APOLD1: variants seen among roughly 807,000 people sequenced by gnomAD.
APOLD1 encodes the protein apolipoprotein L domain-containing protein 1.
A neutral mutation model predicts 15.3 loss-of-function variants in APOLD1; 22 were observed. That is an observed-to-expected ratio of 1.44 (90% confidence interval 1.03 to 2.05). The LOEUF (loss-of-function observed/expected upper bound fraction) is 2.05. APOLD1 is among the 30% of genes most tolerant of loss of function. The pLI is 0.00. For synonymous variants in APOLD1, 190 were observed against 167.4 expected (o/e 1.13, Z -1.04); for missense variants, 394 against 353.5 (o/e 1.11, Z -0.92).
At chr12:12,729,241 AAAAT>A (rs1946618100) in intron 1 of APOLD1, among the ~76,000 whole-genome samples, 1 of 152,078 alleles carries the variant, frequency 6.6e-6, no homozygotes, top group Non-Finnish European at 1.5e-5. Flanking sequence ...ATTAAAAAAA[AAAAT>A]AAAGTGGGAT....
At chr12:12,769,605 GA>G (rs1946970174) in intron 1 of APOLD1, among the ~76,000 whole-genome samples, 1 of 152,184 alleles carries the variant, frequency 6.6e-6, no homozygotes. Context: ...AAGGGGAGAG[GA>G]AAAGGAACCA....
At chr12:12,730,067 TGTGTGTGTGTGAGAGAGA>T (rs1210218032) in intron 1 of APOLD1, among the ~76,000 whole-genome samples, 13 of 65,924 alleles carry the variant, frequency 2.0e-4, no homozygotes, top group African/African-American at 1.2e-3. Context: ...TGTGTGTGTG[TGTGTGTGTGTGAGAGAGA>T]GAGAGAGAGA....
At chr12:12,763,946 C>A (rs2136387748) in intron 1 of APOLD1, among the ~76,000 whole-genome samples, 2 of 151,924 alleles carry the variant, frequency 1.3e-5, no homozygotes, top group Admixed American at 1.3e-4. Flanking sequence ...CTATATATAG[C>A]ACATTATTTT....
intron 1 of APOLD1, among the ~76,000 whole-genome samples, chr12:12,767,602 A>G (rs1946951615): frequency 1.3e-5 from 2 of 152,066 alleles, no homozygotes; most frequent in South Asian, 4.2e-4. Context: ...CGGAGGTTGC[A>G]GTGAGATCGT....
At chr12:12,759,371 C>T (rs1946880951) in intron 1 of APOLD1, among the ~76,000 whole-genome samples, 1 of 151,812 alleles carries the variant, frequency 6.6e-6, no homozygotes, top group South Asian at 2.1e-4. Flanking sequence ...AAAATTGCCT[C>T]TTGTGTCCCC....
chr12:12,755,151 C>G (rs759494982), intron 1 of APOLD1, among the ~76,000 whole-genome samples: 2 of 152,146 alleles, frequency 1.3e-5, no homozygotes, highest in Admixed American at 6.6e-5. Context: ...AACAGACTCA[C>G]TCATATATGA....
At chr12:12,785,110 G>C (rs1947114080), upstream of APOLD1, among the ~76,000 whole-genome samples, 1 of 152,196 alleles carries the variant, frequency 6.6e-6, no homozygotes, top group Non-Finnish European at 1.5e-5. Flanking sequence ...AGCACTTCCT[G>C]TGGGTGTGGC....
At chr12:12,734,761 T>TA (rs1270745170) in intron 1 of APOLD1, among the ~76,000 whole-genome samples, 1 of 152,252 alleles carries the variant, frequency 6.6e-6, no homozygotes, top group African/African-American at 2.4e-5. Flanking sequence ...CGTGAATGTG[T>TA]AACCTAATGG....
At chr12:12,729,002 A>G (rs943661821) in intron 1 of APOLD1, among the ~76,000 whole-genome samples, 1 of 152,164 alleles carries the variant, frequency 6.6e-6, no homozygotes, top group African/African-American at 2.4e-5. Context: ...ATAGGTTCTG[A>G]TCATCCTGTT....
Position 12,788,453 on chromosome 12 carries a change from G to C in APOLD1, c.*801G>C, listed in dbSNP as rs1256589576. The C allele has an allele frequency of 6.6e-6, 1 of 152,260 alleles. No homozygotes were observed. The highest frequency in any genetic ancestry group is 2.4e-5 in the African/African-American group (1 of 41,464). 9.4% of individuals were successfully genotyped at this position (152,260 alleles called of 1,614,324 possible). On this transcript the variant is annotated 3_prime_UTR_variant, in exon 2 of 2. Transcript: ENST00000356591. ...GTTAGACAGTCCTGGGCTTGAGACA[G>C]GCTTTGTCACTACTGTGTGAGTGTA... is the stretch of plus-strand genomic sequence containing the variant.
intron 1 of APOLD1, among the ~76,000 whole-genome samples, chr12:12,777,702 G>A (rs532232607): frequency 1.9e-5 from 2 of 106,324 alleles, no homozygotes; most frequent in South Asian, 3.2e-4. Flanking sequence ...CCAGTGTGAC[G>A]CTCAAAGGAA....
At chr12:12,739,838 A>G (rs1946718491) in intron 1 of APOLD1, among the ~76,000 whole-genome samples, 1 of 140,372 alleles carries the variant, frequency 7.1e-6, no homozygotes, top group African/African-American at 2.7e-5. Context: ...TTTTTTTGAG[A>G]CAGAGTCTCA....
At chr12:12,742,764 A>G (rs1946737841) in intron 1 of APOLD1, among the ~76,000 whole-genome samples, 1 of 418 alleles carries the variant, frequency 2.4e-3, no homozygotes, top group Non-Finnish European at 0.01. Flanking sequence ...ACTCCATCTA[A>G]AAAAAAAAAA....
intron 1 of APOLD1, among the ~76,000 whole-genome samples, chr12:12,740,095 C>A (rs1185745201): frequency 1.3e-5 from 2 of 152,022 alleles, no homozygotes; most frequent in Admixed American, 1.3e-4. Context: ...GATTCTCCTG[C>A]ATCAGCCTCC....
intron 1 of APOLD1, among the ~76,000 whole-genome samples, chr12:12,748,772 A>G (rs886402341): frequency 6.6e-6 from 1 of 152,204 alleles, no homozygotes; most frequent in African/African-American, 2.4e-5. Context: ...GTTCACTTCC[A>G]TTGCAGCACT....
At chr12:12,760,302 G>A (rs558533941) in intron 1 of APOLD1, among the ~76,000 whole-genome samples, 5 of 151,942 alleles carry the variant, frequency 3.3e-5, no homozygotes, top group South Asian at 4.2e-4. Context: ...CTCCAGCCTG[G>A]GTGACACAGT....
chr12:12,781,889 C>T (rs968615323), upstream of APOLD1, among the ~76,000 whole-genome samples: 1 of 151,914 alleles, frequency 6.6e-6, no homozygotes, highest in Non-Finnish European at 1.5e-5. Flanking sequence ...TTGTTGATAA[C>T]TGTATAAACA....
At chr12:12,738,089 G>A (rs1264228672) in intron 1 of APOLD1, among the ~76,000 whole-genome samples, 1 of 151,800 alleles carries the variant, frequency 6.6e-6, no homozygotes, top group Non-Finnish European at 1.5e-5. Context: ...CCTGCATAAA[G>A]TAGTAGCTAT....
At chr12:12,773,104 A>T (rs1230472402) in intron 1 of APOLD1, among the ~76,000 whole-genome samples, 1 of 152,156 alleles carries the variant, frequency 6.6e-6, no homozygotes, top group Admixed American at 6.5e-5. Flanking sequence ...AATTATATGA[A>T]AAACACAACT....
Sources: gnomAD v4.1 joint callset for allele counts (sites outside exome capture counted in the v4.1 genomes callset) on GRCh38, gnomAD v4.1.1 for gene constraint, MANE v1.5 for transcripts, NCBI Gene and HGNC (gene_info 2026-07-23, HGNC 2026-07-21) for gene names.